The following STK32B variants were observed in gnomAD, a reference collection of about 807,000 sequenced individuals.
STK32B encodes the protein serine/threonine kinase 32B.
STK32B carries 43 observed loss-of-function variants against 52.6 expected under a neutral mutation model. That is an observed-to-expected ratio of 0.82 (90% CI 0.64 to 1.05). The LOEUF (loss-of-function observed/expected upper bound fraction) is 1.05. STK32B is among the 50% of genes least tolerant of loss of function. STK32B has a pLI of 0.00. For synonymous variants in STK32B, 238 were observed against 204.3 expected, an observed-to-expected ratio of 1.17 and a Z score of -1.41; for missense variants, 621 against 534.6, an observed-to-expected ratio of 1.16 and a Z score of -1.59.
rs1370721774 is a variant in STK32B at position 5,499,026 on chromosome 4, G to C, written c.1188G>C (p.Gln396His). Reference protein sequence around the residue: ...RGGGQAQSKLQDGCNNNLLTH... With the variant: ...RGGGQAQSKLHDGCNNNLLTH... ...GAGGCCAGGCCCAAAGCAAGCTCCA[G>C]GACGGGTGCAACAACAACCTCCTCA... Residue 396 changes from glutamine (Q) to histidine (H), a missense_variant, in exon 12 of 12, where the codon CAG becomes CAC. Coordinates refer to ENST00000282908, the MANE Select transcript of STK32B (RefSeq NM_018401.3). 1.2e-6 allele frequency: 2 copies of C among 1,613,844 alleles called. No individual in the cohort carries two copies. Among genetic ancestry groups the C allele is most frequent in the Non-Finnish European group, 8.5e-7 (1 of 1,179,850 alleles).
chr4:5,117,466 AT>A (rs1347618990), intron 1 of STK32B, among the ~76,000 whole-genome samples: 1 of 152,102 alleles, frequency 6.6e-6, no homozygotes, highest in Non-Finnish European at 1.5e-5. Context: ...AGAAAAAGTA[AT>A]TTTCCTTGTA....
chr4:5,494,610 C>T (rs1198911189), intron 11 of STK32B, among the ~76,000 whole-genome samples: 1 of 152,078 alleles, frequency 6.6e-6, no homozygotes, highest in Non-Finnish European at 1.5e-5. Context: ...GAATTTGATC[C>T]TGTCATGATG....
intron 4 of STK32B, among the ~76,000 whole-genome samples, chr4:5,379,446 A>G (rs944981909): frequency 2.0e-5 from 3 of 152,104 alleles, no homozygotes; most frequent in South Asian, 2.1e-4. Context: ...CTGGTACCCT[A>G]CGGTCCATGG....
At chr4:5,201,294 G>T (rs62298535) in intron 3 of STK32B, among the ~76,000 whole-genome samples, 14,835 of 152,176 alleles carry the variant, frequency 0.097, 887 homozygotes, top group Non-Finnish European at 0.13. Context: ...TGTTTCTGGG[G>T]GTGTAGTGAG....
chr4:5,337,004 A>C (rs890147271), intron 4 of STK32B, among the ~76,000 whole-genome samples: 2 of 152,118 alleles, frequency 1.3e-5, no homozygotes, highest in Non-Finnish European at 2.9e-5. Flanking sequence ...TTCTTGAGAC[A>C]GAGTTTTGCT....
intron 1 of STK32B, among the ~76,000 whole-genome samples, chr4:5,053,602 C>G (rs1741874579): frequency 6.6e-6 from 1 of 152,168 alleles, no homozygotes; most frequent in African/African-American, 2.4e-5. Context: ...CTGGTGTAGC[C>G]AACCTTTTGA....
intron 9 of STK32B, among the ~76,000 whole-genome samples, chr4:5,462,808 AAT>A: frequency 6.6e-6 from 1 of 152,140 alleles, no homozygotes; most frequent in Non-Finnish European, 1.5e-5. Context: ...TGCAAACAAA[AAT>A]GTCTCCAGAC....
chr4:5,185,387 C>T lies in STK32B; in HGVS notation c.260+16937C>T, dbSNP rs80147955. ...ATTTTTGAGTTGCAATGGACTGAGT[C>T]AGTACACGGATATCTACCTGCCAGT... On this transcript the variant is annotated intron_variant, in intron 3 of 11. Transcript: ENST00000282908. 2.1e-3 allele frequency among the ~76,000 whole-genome samples: 321 copies of T among 152,232 alleles called. 6 individuals are homozygous for T. In the East Asian group the frequency reaches 0.051, roughly 24 times the overall value.
chr4:5,154,696 A>G (rs1717650473), intron 2 of STK32B, among the ~76,000 whole-genome samples: 2 of 152,156 alleles, frequency 1.3e-5, no homozygotes, highest in African/African-American at 4.8e-5. Flanking sequence ...AGCGCCAGGC[A>G]TGGCTTCTGG....
intron 8 of STK32B, among the ~76,000 whole-genome samples, chr4:5,459,162 A>T (rs1716820270): frequency 6.6e-6 from 1 of 152,114 alleles, no homozygotes; most frequent in African/African-American, 2.4e-5. Flanking sequence ...CCTGCTAGCT[A>T]TCCCTGTGGG....
At chr4:5,383,370 C>T (rs1025758688) in intron 4 of STK32B, among the ~76,000 whole-genome samples, 1 of 152,212 alleles carries the variant, frequency 6.6e-6, no homozygotes, top group Non-Finnish European at 1.5e-5. Context: ...TCCCAACCGG[C>T]TCCCAGAGGA....
chr4:5,050,177 C>T (rs1373228325), upstream of STK32B, among the ~76,000 whole-genome samples: 3 of 152,180 alleles, frequency 2.0e-5, no homozygotes, highest in African/African-American at 7.2e-5. Flanking sequence ...GAATGAAAGG[C>T]AAGAAATATT....
At chr4:5,489,646 G>A (rs1346355032) in intron 11 of STK32B, among the ~76,000 whole-genome samples, 4 of 150,608 alleles carry the variant, frequency 2.7e-5, no homozygotes, top group Non-Finnish European at 4.4e-5. Context: ...TTTTGAGATG[G>A]AGTCTTGCTT....
rs551433245 is a variant in STK32B at position 5,078,180 on chromosome 4, G to A, written c.52+26265G>A. On this transcript the variant is annotated intron_variant, in intron 1 of 11. Coordinates refer to ENST00000282908, the MANE Select transcript of STK32B (RefSeq NM_018401.3). ...GGGCACAATACTTCCTGGAAGCTAT[G>A]TGCAGACTTCCCCTTGTAGCTCATT... Among the ~76,000 whole-genome samples the A allele has an allele frequency of 1.8e-4, 28 of 152,266 alleles. No individual in the cohort carries two copies. In the South Asian group the frequency reaches 2.3e-3, roughly 12 times the overall value.
At chr4:5,074,063 C>T (rs930645748) in intron 1 of STK32B, among the ~76,000 whole-genome samples, 3 of 152,000 alleles carry the variant, frequency 2.0e-5, no homozygotes, top group African/African-American at 4.8e-5. Flanking sequence ...TCTCTCTCCT[C>T]CCACACATCC....
chr4:5,144,746 C>T (rs557817572), intron 2 of STK32B, among the ~76,000 whole-genome samples: 1 of 151,992 alleles, frequency 6.6e-6, no homozygotes, highest in South Asian at 2.1e-4. Flanking sequence ...TATATAAAAT[C>T]AGGCAGCTTA....
chr4:5,354,263 A>G (rs147308341), intron 4 of STK32B, among the ~76,000 whole-genome samples: 2 of 152,234 alleles, frequency 1.3e-5, no homozygotes, highest in African/African-American at 4.8e-5. Flanking sequence ...GTGAAGAAAA[A>G]TAGATCTATG....
intron 3 of STK32B, among the ~76,000 whole-genome samples, chr4:5,308,219 T>C (rs1730057908): frequency 6.6e-6 from 1 of 152,122 alleles, no homozygotes; most frequent in African/African-American, 2.4e-5. Flanking sequence ...GTCTTCAGAG[T>C]TCTTGGCTGT....
chr4:5,312,621 A>AT (rs1287615746), intron 3 of STK32B, among the ~76,000 whole-genome samples: 1 of 151,900 alleles, frequency 6.6e-6, no homozygotes, highest in East Asian at 1.9e-4. Flanking sequence ...TGAACTCATC[A>AT]TTTTTTATGG....
Sources: gnomAD v4.1 joint callset for allele counts (sites outside exome capture counted in the v4.1 genomes callset) on GRCh38, gnomAD v4.1.1 for gene constraint, MANE v1.5 for transcripts, NCBI Gene and HGNC (gene_info 2026-07-23, HGNC 2026-07-21) for gene names.